The following IKBKB-DT variants were observed in gnomAD, a reference collection of about 807,000 sequenced individuals.
IKBKB-DT encodes IKBKB divergent transcript, also known as IKBKB antisense RNA.
intron 3 of IKBKB-DT, among the ~76,000 whole-genome samples, chr8:42,261,015 A>G (rs1807280933): frequency 6.6e-6 from 1 of 152,108 alleles, no homozygotes; most frequent in African/African-American, 2.4e-5. Flanking sequence ...GGTTGGTAGG[A>G]TATGAGAAAA....
At chr8:42,247,786 C>T (rs1807080518) in intron 3 of IKBKB-DT, among the ~76,000 whole-genome samples, 1 of 152,054 alleles carries the variant, frequency 6.6e-6, no homozygotes, top group Non-Finnish European at 1.5e-5. Context: ...CTCTATCTTT[C>T]CTGCTGCCTT....
chr8:42,260,955 T>C (rs1807278896), intron 3 of IKBKB-DT, among the ~76,000 whole-genome samples: 1 of 152,128 alleles, frequency 6.6e-6, no homozygotes, highest in Non-Finnish European at 1.5e-5. Context: ...GCCACTCCCA[T>C]AGACAGCCAA....
chr8:42,264,700 A>T (rs536318436), intron 2 of IKBKB-DT, among the ~76,000 whole-genome samples: 9 of 152,122 alleles, frequency 5.9e-5, no homozygotes, highest in Admixed American at 5.9e-4. Flanking sequence ...CTGGGATTAC[A>T]GGTGCCCACC....
At chr8:42,247,128 G>A (rs1443341985) in intron 3 of IKBKB-DT, among the ~76,000 whole-genome samples, 5 of 152,074 alleles carry the variant, frequency 3.3e-5, no homozygotes, top group Non-Finnish European at 5.9e-5. Flanking sequence ...CACAGACAAC[G>A]CCACAAACAC....
chr8:42,255,930 G>T (rs753168058), intron 3 of IKBKB-DT, among the ~76,000 whole-genome samples: 1 of 151,816 alleles, frequency 6.6e-6, no homozygotes, highest in Non-Finnish European at 1.5e-5. Context: ...GGAGGCTGAG[G>T]CAGGAGAATC....
At chr8:42,240,611 C>A (rs1336555194) in intron 3 of IKBKB-DT, among the ~76,000 whole-genome samples, 1 of 104,222 alleles carries the variant, frequency 9.6e-6, no homozygotes. Flanking sequence ...AGCGACAGAG[C>A]AAGACTCAGT....
At chr8:42,237,090 T>G (rs961822538) in intron 3 of IKBKB-DT, among the ~76,000 whole-genome samples, 1 of 138,284 alleles carries the variant, frequency 7.2e-6, no homozygotes, top group Non-Finnish European at 1.5e-5. Context: ...GTTTTTTTTT[T>G]TTGTTTGTTT....
At chr8:42,237,751 G>C (rs1202092773) in intron 3 of IKBKB-DT, among the ~76,000 whole-genome samples, 1 of 151,990 alleles carries the variant, frequency 6.6e-6, no homozygotes, top group Non-Finnish European at 1.5e-5. Flanking sequence ...CTGGCCAGGT[G>C]CAGTAGCTCA....
At chr8:42,266,825 G>A (rs1171882109) in intron 1 of IKBKB-DT, among the ~76,000 whole-genome samples, 1 of 152,082 alleles carries the variant, frequency 6.6e-6, no homozygotes, top group Admixed American at 6.6e-5. Flanking sequence ...AAATGCCATG[G>A]CAACATCAGG....
chr8:42,234,279 G>A (rs10102162), intron 3 of IKBKB-DT, among the ~76,000 whole-genome samples: 5,058 of 152,234 alleles, frequency 0.033, 281 homozygotes, highest in African/African-American at 0.11. Context: ...ATGTTCGCCT[G>A]ACTTTCCTGG....
chr8:42,244,376 C>T (rs192380191), intron 3 of IKBKB-DT, among the ~76,000 whole-genome samples: 1 of 152,280 alleles, frequency 6.6e-6, no homozygotes, highest in Admixed American at 6.5e-5. Flanking sequence ...GCTTCCCGGG[C>T]AGTTCCAGCA....
chr8:42,257,485 G>A (rs1463114624), intron 3 of IKBKB-DT, among the ~76,000 whole-genome samples: 3 of 149,232 alleles, frequency 2.0e-5, no homozygotes, highest in East Asian at 2.0e-4. Flanking sequence ...TGGCAACAGA[G>A]CGAGACTCCA....
At chr8:42,267,869 T>C (rs558644200) in intron 1 of IKBKB-DT, among the ~76,000 whole-genome samples, 6 of 152,112 alleles carry the variant, frequency 3.9e-5, no homozygotes, top group Admixed American at 3.3e-4. Flanking sequence ...CCATGATTAA[T>C]TGAAGAAAAA....
intron 3 of IKBKB-DT, among the ~76,000 whole-genome samples, chr8:42,236,617 C>T (rs867555173): frequency 2.0e-5 from 3 of 152,092 alleles, no homozygotes; most frequent in Non-Finnish European, 4.4e-5. Context: ...ATTAGCCGGG[C>T]GTGGTGACGC....
chr8:42,251,816 A>G (rs61358115), intron 3 of IKBKB-DT, among the ~76,000 whole-genome samples: 3,478 of 146,780 alleles, frequency 0.024, 123 homozygotes, highest in African/African-American at 0.082. Flanking sequence ...GCAATAGAGC[A>G]AGACTCCATC....
chr8:42,247,479 T>A (rs1807077897), intron 3 of IKBKB-DT, among the ~76,000 whole-genome samples: 1 of 152,224 alleles, frequency 6.6e-6, no homozygotes, highest in African/African-American at 2.4e-5. Context: ...GATGAGACTT[T>A]GGACTGAAAC....
At chr8:42,242,888 C>T (rs1198915048) in intron 3 of IKBKB-DT, among the ~76,000 whole-genome samples, 1 of 152,220 alleles carries the variant, frequency 6.6e-6, no homozygotes, top group African/African-American at 2.4e-5. Flanking sequence ...GGCCACTCAA[C>T]GAAGGCCCAG....
intron 3 of IKBKB-DT, among the ~76,000 whole-genome samples, chr8:42,242,201 C>T (rs944076471): frequency 6.6e-6 from 1 of 151,716 alleles, no homozygotes; most frequent in African/African-American, 2.4e-5. Flanking sequence ...GGTGACAAAG[C>T]AAGACTCCAT....
At chr8:42,253,373 T>C (rs1807154147) in intron 3 of IKBKB-DT, among the ~76,000 whole-genome samples, 1 of 152,194 alleles carries the variant, frequency 6.6e-6, no homozygotes, top group South Asian at 2.1e-4. Flanking sequence ...AAATGTTTGA[T>C]TGGATCATCA....
Sources: allele counts gnomAD v4.1 joint callset (sites outside exome capture counted in the v4.1 genomes callset), GRCh38; gene constraint gnomAD v4.1.1; transcripts MANE v1.5; gene names NCBI Gene and HGNC (gene_info 2026-07-23, HGNC 2026-07-21).